Variants in SNTG2 observed in about 807,000 individuals in gnomAD.
The protein encoded by SNTG2 is gamma-2-syntrophin.
A neutral mutation model predicts 70.9 loss-of-function variants in SNTG2; 74 were observed. The observed-to-expected ratio is 1.04, with a 90% CI of 0.86 to 1.27. SNTG2 has a LOEUF of 1.27. SNTG2 is among the 50% of genes most tolerant of loss of function. The pLI, the probability that SNTG2 is intolerant of heterozygous loss-of-function variation, is 0.00. For synonymous variants in SNTG2, 278 were observed against 273.8 expected, an observed-to-expected ratio of 1.02 and a Z score of -0.15; for missense variants, 717 against 690.7, an observed-to-expected ratio of 1.04 and a Z score of -0.43.
rs558021792 is a variant in SNTG2 at position 1,022,646 on chromosome 2, G to GGCGGTGCCT, written c.73-60872_73-60871insGCGGTGCCT. Among the ~76,000 whole-genome samples, 31 of 152,202 alleles carry GGCGGTGCCT rather than the reference G, an allele frequency of 2.0e-4. No individual in the cohort carries two copies. The East Asian group carries it at 5.8e-3, about 28-fold the overall frequency. ...TCGAGTATTCCTGTACCCTTGTGAA[G>GGCGGTGCCT]CCCCCGAGTTTTTGTGCATACTTGC... On this transcript the variant is annotated intron_variant, in intron 1 of 16. Transcript: ENST00000308624.
At chr2:1,109,818 G>T (rs577655280) in intron 4 of SNTG2, among the ~76,000 whole-genome samples, 2 of 152,268 alleles carry the variant, frequency 1.3e-5, no homozygotes, top group African/African-American at 2.4e-5. Flanking sequence ...TGTATATTCG[G>T]GAGACAAATG....
At chr2:1,033,679 G>T (rs1660969672) in intron 1 of SNTG2, among the ~76,000 whole-genome samples, 1 of 152,208 alleles carries the variant, frequency 6.6e-6, no homozygotes, top group Non-Finnish European at 1.5e-5. Context: ...TCTTGCTCTT[G>T]TGGAGGTCTG....
At chr2:1,032,517 C>T (rs1660896933) in intron 1 of SNTG2, among the ~76,000 whole-genome samples, 1 of 152,144 alleles carries the variant, frequency 6.6e-6, no homozygotes, top group African/African-American at 2.4e-5. Context: ...TTCAATTGTT[C>T]CCTAACTTAT....
At chr2:1,291,929 T>C (rs898904192) in intron 14 of SNTG2, among the ~76,000 whole-genome samples, 3 of 152,212 alleles carry the variant, frequency 2.0e-5, no homozygotes, top group South Asian at 2.1e-4. Flanking sequence ...TTGAGTGGTA[T>C]GGACATCCGA....
intron 14 of SNTG2, among the ~76,000 whole-genome samples, chr2:1,295,218 C>T (rs540358389): frequency 6.6e-6 from 1 of 152,246 alleles, no homozygotes; most frequent in South Asian, 2.1e-4. Context: ...GAGACTGAAG[C>T]GGCCACATGC....
intron 16 of SNTG2, among the ~76,000 whole-genome samples, chr2:1,350,400 C>T (rs528905194): frequency 5.9e-5 from 9 of 152,238 alleles, no homozygotes; most frequent in African/African-American, 2.2e-4. Flanking sequence ...CAGCTTGCCC[C>T]GATACACGTG....
intron 8 of SNTG2, among the ~76,000 whole-genome samples, chr2:1,190,718 G>T (rs529627616): frequency 4.7e-4 from 71 of 151,638 alleles, no homozygotes; most frequent in African/African-American, 1.6e-3. Flanking sequence ...AATAATAAAT[G>T]ATCTGGCACG....
intron 4 of SNTG2, among the ~76,000 whole-genome samples, chr2:1,124,068 G>A (rs1235184808): frequency 1.3e-5 from 2 of 152,094 alleles, no homozygotes; most frequent in Non-Finnish European, 2.9e-5. Context: ...GTGTGGCAAA[G>A]ATAGCTTTTT....
intron 4 of SNTG2, chr2:1,102,439 C>G (rs1356346382): frequency 6.6e-6 from 1 of 152,336 alleles, no homozygotes; most frequent in Non-Finnish European, 1.5e-5. Flanking sequence ...TGGCCAGAAG[C>G]CGGATGTCCT....
chr2:1,101,806 G>A (rs561012166), intron 4 of SNTG2, among the ~76,000 whole-genome samples: 1 of 152,300 alleles, frequency 6.6e-6, no homozygotes, highest in African/African-American at 2.4e-5. Context: ...GGATGAGCAG[G>A]TCTGCAGTTA....
At chr2:1,138,405 G>A (rs1668535936) in intron 6 of SNTG2, among the ~76,000 whole-genome samples, 1 of 152,194 alleles carries the variant, frequency 6.6e-6, no homozygotes. Context: ...CTATCCCCGA[G>A]GTACTCATTC....
At chr2:1,214,822 G>A (rs1181756650) in intron 9 of SNTG2, among the ~76,000 whole-genome samples, 1 of 152,024 alleles carries the variant, frequency 6.6e-6, no homozygotes, top group Non-Finnish European at 1.5e-5. Context: ...GGATTTTAAG[G>A]GAAAACCTTT....
chr2:1,043,277 T>C (rs1661544295), intron 1 of SNTG2, among the ~76,000 whole-genome samples: 2 of 152,166 alleles, frequency 1.3e-5, no homozygotes, highest in African/African-American at 2.4e-5. Flanking sequence ...TTGTTTCTTT[T>C]GTTAGATTTG....
chr2:991,755 T>C (rs1272605877), intron 1 of SNTG2, among the ~76,000 whole-genome samples: 1 of 152,162 alleles, frequency 6.6e-6, no homozygotes, highest in African/African-American at 2.4e-5. Flanking sequence ...AGGAATGAGT[T>C]ACCTGCATGT....
chr2:1,321,402 A>C (rs887365831), intron 16 of SNTG2, among the ~76,000 whole-genome samples: 1 of 152,144 alleles, frequency 6.6e-6, no homozygotes. Flanking sequence ...CTCTGCCATC[A>C]ATGAGTCAGC....
chr2:951,606 C>T (rs1195463427), intron 1 of SNTG2, among the ~76,000 whole-genome samples: 1 of 152,188 alleles, frequency 6.6e-6, no homozygotes, highest in Non-Finnish European at 1.5e-5. Context: ...ATACGGATTT[C>T]TTTTTTGAAG....
chr2:1,252,372 C>T (rs750453668), intron 12 of SNTG2, among the ~76,000 whole-genome samples: 19 of 152,182 alleles, frequency 1.2e-4, no homozygotes, highest in Non-Finnish European at 1.6e-4. Context: ...CATTACTTAA[C>T]GTCACCTGTA....
At chr2:1,288,332 A>G (rs1679850593) in intron 14 of SNTG2, among the ~76,000 whole-genome samples, 1 of 152,182 alleles carries the variant, frequency 6.6e-6, no homozygotes, top group South Asian at 2.1e-4. Context: ...CATCAGGCAC[A>G]AGGTCTGAGA....
chr2:1,154,409 A>C (rs7579535), intron 6 of SNTG2, among the ~76,000 whole-genome samples: 129,834 of 152,140 alleles, frequency 0.85, 55,777 homozygotes, highest in Middle Eastern at 0.96. Flanking sequence ...TAAGATTGAG[A>C]TTATGAATGA....
Sources: gnomAD v4.1 joint callset for allele counts (sites outside exome capture counted in the v4.1 genomes callset) on GRCh38, gnomAD v4.1.1 for gene constraint, MANE v1.5 for transcripts, NCBI Gene and HGNC (gene_info 2026-07-23, HGNC 2026-07-21) for gene names.